The following TENM2 variants were observed in gnomAD, a reference collection of about 807,000 sequenced individuals.
TENM2 encodes teneurin transmembrane protein 2.
In TENM2, 52 loss-of-function variants were observed where a neutral mutation model predicts 245.2. That is an observed-to-expected ratio of 0.21 (90% CI 0.17 to 0.27). TENM2 has a LOEUF of 0.27. TENM2 is among the 10% of genes least tolerant of loss of function. The probability of loss-of-function intolerance (pLI) is 1.00; values close to 1 mark genes in which losing one functional copy is unlikely to be tolerated. For missense variants in TENM2, 3,046 were observed against 3,666.8 expected (o/e 0.83, Z 4.37); for synonymous variants, 1,363 against 1,438.9 (o/e 0.95, Z 1.19).
chr5:168,092,646 A>G (rs1275645333), intron 8 of TENM2, among the ~76,000 whole-genome samples: 1 of 152,264 alleles, frequency 6.6e-6, no homozygotes, highest in Admixed American at 6.5e-5. Context: ...GGTAGAGACT[A>G]GCTCACAAAA....
chr5:168,080,879 A>T (rs1263112594), intron 7 of TENM2, among the ~76,000 whole-genome samples: 1 of 152,162 alleles, frequency 6.6e-6, no homozygotes, highest in Non-Finnish European at 1.5e-5. Flanking sequence ...AATAAGTGTG[A>T]TGTGATGCTG....
intron 2 of TENM2, among the ~76,000 whole-genome samples, chr5:167,416,721 A>G (rs1225299252): frequency 6.6e-6 from 1 of 151,328 alleles, no homozygotes; most frequent in Non-Finnish European, 1.5e-5. Flanking sequence ...TTTTCATTTT[A>G]TGACTACCAG....
the TENM2 span, among the ~76,000 whole-genome samples, chr5:166,982,794 G>T: frequency 3.1e-3 from 465 of 151,760 alleles, 2 homozygotes; most frequent in Middle Eastern, 0.031. Context: ...TTTTTTTTGG[G>T]GGGGGGAGGA....
chr5:168,082,113 G>A (rs1413697591), intron 7 of TENM2, among the ~76,000 whole-genome samples: 1 of 152,094 alleles, frequency 6.6e-6, no homozygotes, highest in African/African-American at 2.4e-5. Context: ...CATATTTCTT[G>A]GAGGCTTTGT....
the TENM2 span, among the ~76,000 whole-genome samples, chr5:167,262,165 C>G: frequency 6.6e-6 from 1 of 152,158 alleles, no homozygotes; most frequent in African/African-American, 2.4e-5. Flanking sequence ...ATCAGACCAG[C>G]CTGACCAACA....
intron 2 of TENM2, among the ~76,000 whole-genome samples, chr5:167,748,508 A>G (rs1482799700): frequency 2.0e-5 from 3 of 152,088 alleles, no homozygotes; most frequent in Non-Finnish European, 4.4e-5. Context: ...CCTCTTCAGT[A>G]GTTGGAACTA....
At chr5:167,360,181 A>T (rs934191368) in intron 1 of TENM2, among the ~76,000 whole-genome samples, 8 of 152,222 alleles carry the variant, frequency 5.3e-5, no homozygotes, top group Admixed American at 6.5e-5. Context: ...AAAAGTTTTT[A>T]AAAAATTAAA....
chr5:167,959,257 C>T (rs1266297511), intron 4 of TENM2, among the ~76,000 whole-genome samples: 16 of 150,276 alleles, frequency 1.1e-4, no homozygotes, highest in African/African-American at 2.0e-4. Context: ...TGCAGTGGCG[C>T]GATCTCGGCT....
chr5:167,851,936 A>C (rs1400948816), intron 2 of TENM2, among the ~76,000 whole-genome samples: 1 of 152,230 alleles, frequency 6.6e-6, no homozygotes, highest in African/African-American at 2.4e-5. Context: ...TAAAGGAAGA[A>C]AGATAATATC....
chr5:168,110,371 A>G (rs1180262432), intron 9 of TENM2, among the ~76,000 whole-genome samples: 1 of 152,190 alleles, frequency 6.6e-6, no homozygotes, highest in East Asian at 1.9e-4. Context: ...AGCACTTTAC[A>G]TCATTATCTC....
intron 2 of TENM2, among the ~76,000 whole-genome samples, chr5:167,661,715 C>T (rs1402191313): frequency 1.3e-5 from 2 of 152,300 alleles, no homozygotes; most frequent in South Asian, 4.1e-4. Context: ...ACTTCACCTC[C>T]GAGCGCAGGG....
chr5:168,145,874 TCTC>T (rs1163435422), intron 12 of TENM2, among the ~76,000 whole-genome samples: 1 of 144,744 alleles, frequency 6.9e-6, no homozygotes, highest in East Asian at 2.0e-4. Flanking sequence ...GGTTTGTAGT[TCTC>T]CTTGAAGAGG....
At chr5:168,020,512 G>A (rs1019712035) in intron 5 of TENM2, among the ~76,000 whole-genome samples, 6 of 152,130 alleles carry the variant, frequency 3.9e-5, no homozygotes, top group African/African-American at 9.7e-5. Flanking sequence ...TTTTGACGTC[G>A]TCATTTTATC....
the TENM2 span, among the ~76,000 whole-genome samples, chr5:167,055,893 C>T: frequency 4.0e-5 from 6 of 151,704 alleles, no homozygotes; most frequent in African/African-American, 1.2e-4. Context: ...ATCTGTATAC[C>T]GCTTCTTTTC....
chr5:167,490,174 C>G (rs1768336502), intron 2 of TENM2, among the ~76,000 whole-genome samples: 1 of 152,128 alleles, frequency 6.6e-6, no homozygotes, highest in Admixed American at 6.5e-5. Flanking sequence ...TACAAAAGTA[C>G]CCTTTTCCCA....
intron 4 of TENM2, among the ~76,000 whole-genome samples, chr5:167,970,940 A>G (rs1781730408): frequency 6.6e-6 from 1 of 151,632 alleles, no homozygotes. Flanking sequence ...AACAAGGTAG[A>G]AGGCGCATAT....
chr5:167,422,968 A>G (rs1337399721), intron 2 of TENM2, among the ~76,000 whole-genome samples: 5 of 152,208 alleles, frequency 3.3e-5, no homozygotes, highest in Non-Finnish European at 5.9e-5. Context: ...GAAAACACAA[A>G]TAGTTTTGTC....
At chr5:167,577,318 G>A (rs571006213) in intron 2 of TENM2, among the ~76,000 whole-genome samples, 18 of 152,300 alleles carry the variant, frequency 1.2e-4, no homozygotes, top group Non-Finnish European at 2.6e-4. Context: ...CTATGTTGGA[G>A]AGCTTTCGGT....
chr5:168,048,042 A>G (rs991150490), intron 6 of TENM2, among the ~76,000 whole-genome samples: 1 of 152,256 alleles, frequency 6.6e-6, no homozygotes, highest in Non-Finnish European at 1.5e-5. Flanking sequence ...AGAAAGGCTC[A>G]GAGCTGCTGT....
Sources: allele counts gnomAD v4.1 joint callset (sites outside exome capture counted in the v4.1 genomes callset), GRCh38; gene constraint gnomAD v4.1.1; transcripts MANE v1.5; gene names NCBI Gene and HGNC (gene_info 2026-07-23, HGNC 2026-07-21).